Variants in PTPN4 observed in about 807,000 individuals in gnomAD.
PTPN4 encodes protein tyrosine phosphatase non-receptor type 4.
A neutral mutation model predicts 135.5 loss-of-function variants in PTPN4; 49 were observed. The ratio of observed to expected loss-of-function variants is 0.36; its 90% CI spans 0.29 to 0.46. The LOEUF (loss-of-function observed/expected upper bound fraction) is 0.46, where lower values mean the gene tolerates loss of function less well. Ranked by LOEUF, PTPN4 falls within the 20% of genes least tolerant of loss-of-function variation. PTPN4 has a pLI of 1.00. For synonymous variants in PTPN4, 333 were observed against 369.9 expected (o/e 0.90, Z 1.14); for missense variants, 860 against 1,101.0 (o/e 0.78, Z 3.10).
chr2:119,826,691 A>G (rs944187880), intron 2 of PTPN4, among the ~76,000 whole-genome samples: 1 of 152,218 alleles, frequency 6.6e-6, no homozygotes, highest in Non-Finnish European at 1.5e-5. Flanking sequence ...ACTGTGCTCT[A>G]AGGTTAATAT....
Position 119,920,176 on chromosome 2 carries a change from A to C in PTPN4, c.936A>C (p.Arg312Ser). Residue 312 changes from arginine to serine, a missense_variant, in exon 12 of 27, where the codon AGA becomes AGC. By Grantham distance (110) the Arg-to-Ser change is moderately radical (BLOSUM62 -1). Around this residue, in one of 2 missense-constraint regions of PTPN4, gnomAD observed 684 missense variants for 807.0 expected, o/e 0.85. Coordinates refer to ENST00000263708, the MANE Select transcript of PTPN4 (RefSeq NM_002830.4). ...VEHHTFFRLDRPLPPQKNFFA... is the reference protein window; with the variant it reads ...VEHHTFFRLDSPLPPQKNFFA... ...ATCACACATTCTTCCGTTTGGACAG[A>C]CCACTTCCACCTCAAAAGAATTTTT... 4.3e-6 allele frequency: 7 copies of C among 1,613,276 alleles called. No individual in the cohort carries two copies. Among genetic ancestry groups the C allele is most frequent in the Non-Finnish European group, 5.9e-6 (7 of 1,179,710 alleles).
At position 119,877,373 on chromosome 2, in the gene PTPN4, T is replaced by A; in HGVS notation, c.289+8T>A. 1 of 1,611,876 alleles carries A rather than the reference T, an allele frequency of 6.2e-7. No individual in the cohort carries two copies. Among genetic ancestry groups the A allele is most frequent in the Non-Finnish European group, 8.5e-7 (1 of 1,179,322 alleles). ...TAAGGAAGCAGCTAAAGAGTGAGCA[T>A]ACATATTTACTTAATGTTTTGCAAG... On this transcript the variant is annotated splice_region_variant and intron_variant, in intron 4 of 26. Coordinates refer to ENST00000263708, the MANE Select transcript of PTPN4 (RefSeq NM_002830.4).
chr2:119,776,434 A>G (rs897616359), intron 1 of PTPN4, among the ~76,000 whole-genome samples: 1 of 152,222 alleles, frequency 6.6e-6, no homozygotes, highest in African/African-American at 2.4e-5. Context: ...TCGGCCTCCC[A>G]AAGTGCTGGG....
At chr2:119,761,090 C>G (rs747750659) in intron 1 of PTPN4, among the ~76,000 whole-genome samples, 10 of 152,094 alleles carry the variant, frequency 6.6e-5, no homozygotes, top group Non-Finnish European at 1.5e-4. Flanking sequence ...TCTAGGATAA[C>G]TTGTTATGCA....
At chr2:119,846,631 T>C (rs1258083164) in intron 2 of PTPN4, among the ~76,000 whole-genome samples, 7 of 152,038 alleles carry the variant, frequency 4.6e-5, no homozygotes, top group Non-Finnish European at 1.0e-4. Flanking sequence ...ATTGATATGG[T>C]TGGATTTATA....
At chr2:119,863,420 T>C (rs573790827) in intron 3 of PTPN4, among the ~76,000 whole-genome samples, 1 of 152,214 alleles carries the variant, frequency 6.6e-6, no homozygotes, top group Admixed American at 6.5e-5. Flanking sequence ...GGATCTCCAT[T>C]TTGAAGGGAA....
At chr2:119,767,243 T>A (rs1463094777) in intron 1 of PTPN4, among the ~76,000 whole-genome samples, 3 of 152,164 alleles carry the variant, frequency 2.0e-5, no homozygotes, top group Admixed American at 6.5e-5. Flanking sequence ...ATCCTCAAAT[T>A]TCAGTGAAAC....
intron 15 of PTPN4, 128 bp downstream of exon 15, chr2:119,935,086 T>A: frequency 9.3e-7 from 1 of 1,079,084 alleles, no homozygotes; most frequent in Non-Finnish European, 1.3e-6. Context: ...AATGTGTATG[T>A]TTGCAATTAT....
At chr2:119,923,182 TG>T (rs949143015) in intron 12 of PTPN4, among the ~76,000 whole-genome samples, 10 of 152,090 alleles carry the variant, frequency 6.6e-5, no homozygotes, top group African/African-American at 2.4e-4. Context: ...AAGTCCAGCC[TG>T]GGCAACATAG....
rs191478893 is a variant in PTPN4 at position 119,823,812 on chromosome 2, G to A, written c.138+13821G>A. Among the ~76,000 whole-genome samples, 604 of 152,288 alleles carry A rather than the reference G, an allele frequency of 4.0e-3. 11 individuals are homozygous for A. The highest frequency in any genetic ancestry group is 0.024 in the Admixed American group (369 of 15,292). ...TCTTCCAATAGAATCTGTTGAAAGAGATGTTGCATGACTTCCCTCGCTAGC... is the reference window on the plus strand; with the variant it reads ...TCTTCCAATAGAATCTGTTGAAAGAAATGTTGCATGACTTCCCTCGCTAGC... On this transcript the variant is annotated intron_variant, in intron 2 of 26. Transcript: ENST00000263708.
chr2:119,937,152 G>A (rs944931423), intron 15 of PTPN4, among the ~76,000 whole-genome samples: 1 of 152,160 alleles, frequency 6.6e-6, no homozygotes, highest in East Asian at 1.9e-4. Flanking sequence ...TCAGCCAGGA[G>A]AACTTTGTAT....
chr2:119,785,128 C>T (rs1292014633), intron 1 of PTPN4, among the ~76,000 whole-genome samples: 7 of 152,102 alleles, frequency 4.6e-5, no homozygotes, highest in Non-Finnish European at 5.9e-5. Context: ...TGCACTGGAG[C>T]CAGTAGCACT....
At chr2:119,965,462 TA>T in intron 24 of PTPN4, 34 bp from the exon 25 acceptor site, 1 of 1,564,330 alleles carries the variant, frequency 6.4e-7, no homozygotes, top group Non-Finnish European at 8.7e-7. Context: ...CAATAATACA[TA>T]AGTCAAGGTG....
chr2:119,814,960 A>G (rs187585292), intron 2 of PTPN4, among the ~76,000 whole-genome samples: 2 of 152,296 alleles, frequency 1.3e-5, no homozygotes, highest in Non-Finnish European at 2.9e-5. Context: ...CTAGGCTATA[A>G]TCATATTAAA....
At chr2:119,774,142 T>C (rs1454113866) in intron 1 of PTPN4, among the ~76,000 whole-genome samples, 2 of 152,226 alleles carry the variant, frequency 1.3e-5, no homozygotes, top group Admixed American at 6.5e-5. Flanking sequence ...TTCTTGAGTA[T>C]TTTTTAGCTA....
intron 10 of PTPN4, among the ~76,000 whole-genome samples, chr2:119,903,556 GACACACAC>G (rs35324437): frequency 5.4e-5 from 8 of 147,750 alleles, no homozygotes; most frequent in Admixed American, 2.0e-4. Flanking sequence ...TGCAGCTGCT[GACACACAC>G]ACACACACAC....
chr2:119,766,443 T>TGCGCGC lies in PTPN4; in HGVS notation c.-18+6061_-18+6066dup, dbSNP rs145798313. The stretch of plus-strand genomic sequence containing the variant: ...CCCATTTCACTGGTGTATGCGCATG[T>TGCGCGC]GCGCGCGTGTGTGTGTGTGTGTGTG... On this transcript the variant is annotated intron_variant, in intron 1 of 26. Transcript: ENST00000263708. Among the ~76,000 whole-genome samples the TGCGCGC allele has an allele frequency of 1.8e-3, 198 of 109,826 alleles. 1 individual carries two copies. Among genetic ancestry groups the TGCGCGC allele is most frequent in the African/African-American group, 4.4e-3 (140 of 31,566 alleles). 72.1% of individuals were successfully genotyped at this position (109,826 alleles called of 152,430 possible).
intron 1 of PTPN4, among the ~76,000 whole-genome samples, chr2:119,767,353 T>C (rs1690646610): frequency 6.6e-6 from 1 of 152,236 alleles, no homozygotes; most frequent in African/African-American, 2.4e-5. Flanking sequence ...TTTTCCTGAA[T>C]TATTTGAGAG....
intron 26 of PTPN4, among the ~76,000 whole-genome samples, chr2:119,969,449 C>A (rs1456393428): frequency 6.6e-6 from 1 of 151,196 alleles, no homozygotes; most frequent in East Asian, 2.0e-4. Flanking sequence ...TCCTAGATAT[C>A]ATATCATTTT....
Sources: gnomAD v4.1 joint callset for allele counts (sites outside exome capture counted in the v4.1 genomes callset) on GRCh38, gnomAD v4.1.1 for gene constraint, gnomAD v4.1.1 regional missense constraint, MANE v1.5 for transcripts, NCBI Gene and HGNC (gene_info 2026-07-23, HGNC 2026-07-21) for gene names.